The following QPCT variants were observed in gnomAD, a reference collection of about 807,000 sequenced individuals.
QPCT encodes glutaminyl-peptide cyclotransferase.
Under a neutral mutation model 43.4 loss-of-function variants are expected in QPCT, and 44 were observed. That is an observed-to-expected ratio of 1.01 (90% CI 0.80 to 1.30). QPCT has a LOEUF of 1.30. QPCT is among the 50% of genes most tolerant of loss of function. The probability of loss-of-function intolerance (pLI) is 0.00; values close to 1 mark genes in which losing one functional copy is unlikely to be tolerated. For missense variants in QPCT, 526 were observed against 436.5 expected, an observed-to-expected ratio of 1.21 and a Z score of -1.83; for synonymous variants, 168 against 168.4, an observed-to-expected ratio of 1.00 and a Z score of 0.02.
chr2:37,371,136 A>G (rs570283870), intron 5 of QPCT, among the ~76,000 whole-genome samples: 1 of 152,246 alleles, frequency 6.6e-6, no homozygotes, highest in East Asian at 1.9e-4. Flanking sequence ...AGTTACTCTA[A>G]TGGTGTTATT....
chr2:37,346,916 G>T (rs549863293), intron 1 of QPCT, among the ~76,000 whole-genome samples: 15 of 151,752 alleles, frequency 9.9e-5, no homozygotes, highest in Non-Finnish European at 2.1e-4. Flanking sequence ...CATTGATTTT[G>T]AAATCCATTT....
chr2:37,348,071 TG>T (rs1301011747), intron 1 of QPCT, among the ~76,000 whole-genome samples: 55 of 152,074 alleles, frequency 3.6e-4, no homozygotes, highest in African/African-American at 1.3e-3. Context: ...CGCGTGTGTG[TG>T]TGTGTGTGTG....
At chr2:37,345,924 C>G (rs1293650031) in intron 1 of QPCT, among the ~76,000 whole-genome samples, 2 of 151,334 alleles carry the variant, frequency 1.3e-5, no homozygotes, top group Non-Finnish European at 2.9e-5. Flanking sequence ...GTTTTGAAAT[C>G]ATGAAATTGC....
chr2:37,352,999 G>A (rs1033347990), intron 2 of QPCT, 64 bp downstream of exon 2: 10 of 1,544,090 alleles, frequency 6.5e-6, no homozygotes, highest in Middle Eastern at 1.7e-4. Context: ...GAGGGATAAT[G>A]TTATGGCTGA....
At chr2:37,355,990 G>A (rs1672736954) in intron 2 of QPCT, among the ~76,000 whole-genome samples, 1 of 152,080 alleles carries the variant, frequency 6.6e-6, no homozygotes, top group African/African-American at 2.4e-5. Flanking sequence ...GCACTCAAGA[G>A]TAAAGAGGTA....
chr2:37,365,980 C>A (rs1022084846), intron 3 of QPCT, among the ~76,000 whole-genome samples: 8 of 152,152 alleles, frequency 5.3e-5, no homozygotes, highest in Admixed American at 3.9e-4. Context: ...CGAGTGCTGG[C>A]ACAAAGTAGG....
chr2:37,346,803 A>G (rs1475314825), intron 1 of QPCT, among the ~76,000 whole-genome samples: 1 of 152,038 alleles, frequency 6.6e-6, no homozygotes, highest in African/African-American at 2.4e-5. Context: ...GTCCACACTA[A>G]AATATGTGCC....
At chr2:37,349,043 A>C (rs556987027) in intron 1 of QPCT, among the ~76,000 whole-genome samples, 14 of 152,250 alleles carry the variant, frequency 9.2e-5, no homozygotes, top group African/African-American at 3.1e-4. Flanking sequence ...AATGCATGCT[A>C]TTTAGGTTGG....
At chr2:37,371,448 A>G (rs1039836837) in intron 5 of QPCT, among the ~76,000 whole-genome samples, 1 of 151,522 alleles carries the variant, frequency 6.6e-6, no homozygotes, top group African/African-American at 2.4e-5. Context: ...AAAAAAAAAA[A>G]AAAAGAAAAA....
At chr2:37,359,125 A>G (rs1015504666) in intron 2 of QPCT, among the ~76,000 whole-genome samples, 2 of 152,188 alleles carry the variant, frequency 1.3e-5, no homozygotes, top group Non-Finnish European at 2.9e-5. Context: ...CTGTCTCCTG[A>G]CTTGTAGACA....
chr2:37,369,612 A>T, intron 4 of QPCT, 73 bp from the exon 5 acceptor site: 1 of 1,131,466 alleles, frequency 8.8e-7, no homozygotes, highest in Non-Finnish European at 1.3e-6. Flanking sequence ...ATTTTGACTG[A>T]TTGTATTTCC....
At chr2:37,362,752 C>T (rs1038440569) in intron 3 of QPCT, among the ~76,000 whole-genome samples, 6 of 152,076 alleles carry the variant, frequency 3.9e-5, no homozygotes, top group African/African-American at 1.4e-4. Flanking sequence ...CCAGTGGTTT[C>T]CTTGATAGAA....
intron 4 of QPCT, among the ~76,000 whole-genome samples, chr2:37,368,933 T>C (rs1233006935): frequency 2.0e-5 from 3 of 152,236 alleles, no homozygotes; most frequent in Non-Finnish European, 2.9e-5. Context: ...GATGAATATA[T>C]TGAATTTTCA....
At chr2:37,357,901 C>T (rs1297047469) in intron 2 of QPCT, among the ~76,000 whole-genome samples, 3 of 151,968 alleles carry the variant, frequency 2.0e-5, no homozygotes, top group South Asian at 4.2e-4. Flanking sequence ...AAATAAAAGC[C>T]CTCACATTCA....
chr2:37,368,017 G>A (rs1360682638), intron 4 of QPCT, among the ~76,000 whole-genome samples: 1 of 152,168 alleles, frequency 6.6e-6, no homozygotes, highest in Non-Finnish European at 1.5e-5. Flanking sequence ...ACTGTATGGA[G>A]GTGGAGAGAG....
chr2:37,355,414 C>G (rs1672721399), intron 2 of QPCT, among the ~76,000 whole-genome samples: 1 of 151,112 alleles, frequency 6.6e-6, no homozygotes, highest in South Asian at 2.1e-4. Flanking sequence ...CTCCTGAGGC[C>G]TTTTTGAACA....
intron 1 of QPCT, among the ~76,000 whole-genome samples, chr2:37,345,174 C>G (rs1672456858): frequency 6.6e-6 from 1 of 152,156 alleles, no homozygotes; most frequent in Non-Finnish European, 1.5e-5. Context: ...GAGGCGAGGG[C>G]GCATCGCGGC....
At position 37,351,070 on chromosome 2, in the gene QPCT, A is replaced by G. The variant is rs538932429; in HGVS notation, c.121-1719A>G. On this transcript the variant is annotated intron_variant, in intron 1 of 6. Coordinates refer to ENST00000338415, the MANE Select transcript of QPCT (RefSeq NM_012413.4). ...GGAAAGTAAACAGCCATCTCGGAGT[A>G]TAGATGAGTGTAAATAATTAGGCAA... is the stretch of plus-strand genomic sequence containing the variant. Among the ~76,000 whole-genome samples, 20 of 152,352 alleles carry G rather than the reference A, an allele frequency of 1.3e-4. No individual in the cohort carries two copies. The South Asian group carries it at 2.7e-3, about 21-fold the overall frequency.
At chr2:37,347,235 T>TATATATATAAC (rs1553384293) in intron 1 of QPCT, among the ~76,000 whole-genome samples, 8 of 85,722 alleles carry the variant, frequency 9.3e-5, no homozygotes, top group African/African-American at 3.8e-4. Flanking sequence ...ATATAACATA[T>TATATATATAAC]ATATATATAT....
Sources: allele counts gnomAD v4.1 joint callset (sites outside exome capture counted in the v4.1 genomes callset), GRCh38; gene constraint gnomAD v4.1.1; transcripts MANE v1.5; gene names NCBI Gene and HGNC (gene_info 2026-07-23, HGNC 2026-07-21).